RFX3: variants seen among roughly 807,000 people sequenced by gnomAD.
RFX3 encodes regulatory factor X3.
A neutral mutation model predicts 98.6 loss-of-function variants in RFX3; 14 were observed. The observed-to-expected ratio is 0.14, with a 90% confidence interval of 0.09 to 0.22. The LOEUF is 0.22. Ranked by LOEUF, RFX3 falls within the 10% of genes least tolerant of loss-of-function variation. The probability of loss-of-function intolerance (pLI) is 1.00; values close to 1 mark genes in which losing one functional copy is unlikely to be tolerated. For missense variants in RFX3, 639 were observed against 926.9 expected (o/e 0.69, Z 4.03); for synonymous variants, 383 against 328.4 (o/e 1.17, Z -1.80).
At chr9:3,400,709 A>G (rs540648546) in intron 1 of RFX3, among the ~76,000 whole-genome samples, 1 of 152,338 alleles carries the variant, frequency 6.6e-6, no homozygotes, top group African/African-American at 2.4e-5. Flanking sequence ...GATTAACTGA[A>G]AAGTTCATAA....
chr9:3,293,843 A>T (rs534231280), intron 5 of RFX3, among the ~76,000 whole-genome samples: 1 of 152,304 alleles, frequency 6.6e-6, no homozygotes, highest in African/African-American at 2.4e-5. Flanking sequence ...TTCTTCCCCA[A>T]ATGAAAATAA....
rs920066114 is a variant in RFX3 at position 3,446,601 on chromosome 9, CA to C, written c.-8-51006del. On this transcript the variant is annotated intron_variant, in intron 1 of 16. Transcript: ENST00000617270. ...ACTCCTTCTGCAGATAATGAGACTT[CA>C]AAAAAAAAAACATACATACAACTCT... Among the ~76,000 whole-genome samples, 63 of 144,222 alleles carry C rather than the reference CA, an allele frequency of 4.4e-4. 1 individual carries two copies. Among genetic ancestry groups the C allele is most frequent in the Admixed American group, 1.5e-3 (21 of 14,432 alleles). 94.6% of individuals were successfully genotyped at this position (144,222 alleles called of 152,430 possible). A position where few individuals can be genotyped will look rare whatever the true frequency, so the allele number is the denominator to read the frequency against.
chr9:3,348,318 C>T (rs1285630542), intron 2 of RFX3, among the ~76,000 whole-genome samples: 1 of 152,064 alleles, frequency 6.6e-6, no homozygotes, highest in Non-Finnish European at 1.5e-5. Context: ...TATCAGTTGA[C>T]ATATAACAAC....
Position 3,277,264 on chromosome 9 carries a change from T to C in RFX3, c.973+76A>G, listed in dbSNP as rs574346808. 1,527 of 1,482,696 alleles carry C rather than the reference T, an allele frequency of 1.0e-3. 27 individuals are homozygous for C. The South Asian group carries it at 0.017, about 16-fold the overall frequency. The allele number at this position is 1,482,696 out of a possible 1,614,324, so 91.8% of individuals were successfully genotyped here. A position where few individuals can be genotyped will look rare whatever the true frequency, so the allele number is the denominator to read the frequency against. ...CTTTCTATGTCATTGACATCTATAA[T>C]AGACATTGCACTTGGAGAAAAGACT... On this transcript the variant is annotated intron_variant, in intron 8 of 16. Transcript: ENST00000617270.
At chr9:3,520,555 T>A (rs1220208723) in intron 1 of RFX3, among the ~76,000 whole-genome samples, 4 of 152,190 alleles carry the variant, frequency 2.6e-5, no homozygotes, top group Non-Finnish European at 5.9e-5. Context: ...ATAAGATCAC[T>A]CCCAGTTTAA....
intron 5 of RFX3, among the ~76,000 whole-genome samples, chr9:3,293,765 C>A (rs977844100): frequency 6.6e-6 from 1 of 151,926 alleles, no homozygotes; most frequent in Non-Finnish European, 1.5e-5. Context: ...TCTCAAATTA[C>A]CACTAGATAA....
chr9:3,277,304 C>T (rs578139776), intron 8 of RFX3, 36 bp downstream of exon 8: 4 of 1,601,436 alleles, frequency 2.5e-6, no homozygotes, highest in East Asian at 2.2e-5. Flanking sequence ...TTTCAAAATC[C>T]TAGTAGCAAC....
chr9:3,269,989 G>T (rs533535188), intron 11 of RFX3, among the ~76,000 whole-genome samples: 2 of 151,768 alleles, frequency 1.3e-5, no homozygotes, highest in Admixed American at 1.3e-4. Flanking sequence ...TGACTGGCCT[G>T]CTAGTGTTCT....
chr9:3,295,921 A>C (rs188659601), intron 5 of RFX3, among the ~76,000 whole-genome samples: 1 of 152,096 alleles, frequency 6.6e-6, no homozygotes, highest in Admixed American at 6.6e-5. Flanking sequence ...AAATTAAAAA[A>C]ATTTTAATTA....
chr9:3,395,957 T>G (rs1162685137), intron 1 of RFX3, among the ~76,000 whole-genome samples: 1 of 152,124 alleles, frequency 6.6e-6, no homozygotes, highest in African/African-American at 2.4e-5. Context: ...AAACCCTACC[T>G]GGATGTAAGT....
intron 11 of RFX3, among the ~76,000 whole-genome samples, chr9:3,268,401 T>C (rs986831526): frequency 6.6e-5 from 10 of 151,900 alleles, no homozygotes; most frequent in Middle Eastern, 3.4e-3. Flanking sequence ...CATGAATGGA[T>C]GGTTTGGAAT....
intron 6 of RFX3, among the ~76,000 whole-genome samples, chr9:3,290,032 T>C (rs1827132425): frequency 1.3e-5 from 2 of 152,142 alleles, no homozygotes; most frequent in South Asian, 4.1e-4. Context: ...AAACAGTTTC[T>C]ATGGTAGAAA....
chr9:3,436,902 T>G (rs535386217), intron 1 of RFX3, among the ~76,000 whole-genome samples: 1 of 152,110 alleles, frequency 6.6e-6, no homozygotes, highest in East Asian at 1.9e-4. Flanking sequence ...CCTCAAAATG[T>G]CAATCAATTC....
chr9:3,517,012 C>T (rs1818251253), intron 1 of RFX3, among the ~76,000 whole-genome samples: 1 of 152,234 alleles, frequency 6.6e-6, no homozygotes, highest in Admixed American at 6.5e-5. Context: ...GGCCATTATG[C>T]TAGCACCAGG....
chr9:3,315,069 A>G (rs1246130213), intron 4 of RFX3, among the ~76,000 whole-genome samples: 4 of 151,836 alleles, frequency 2.6e-5, no homozygotes, highest in Admixed American at 2.0e-4. Context: ...AACAGAATAT[A>G]CATTCTTCTC....
rs576608263 is a variant in RFX3, at chr9:3,260,208, G to C, written c.1605+2727C>G. On this transcript the variant is annotated intron_variant, in intron 13 of 16. Transcript: ENST00000617270. ...CTCTGAAGAAAGGAAGAAGGTTTTG[G>C]AGGGCAGATGCCGAATCATATGGGT... is the stretch of plus-strand genomic sequence containing the variant. 2.0e-5 allele frequency among the ~76,000 whole-genome samples: 3 copies of C among 152,144 alleles called. No homozygotes were observed. The East Asian group carries it at 5.8e-4, about 29-fold the overall frequency.
chr9:3,505,759 C>T (rs1190701360), intron 1 of RFX3, among the ~76,000 whole-genome samples: 1 of 150,450 alleles, frequency 6.6e-6, no homozygotes, highest in East Asian at 2.0e-4. Context: ...CCACCCCCAT[C>T]ATTTACATAT....
At chr9:3,330,110 T>C (rs1310644133) in intron 4 of RFX3, 149 bp downstream of exon 4, 7 of 760,712 alleles carry the variant, frequency 9.2e-6, no homozygotes, top group East Asian at 2.7e-5. Flanking sequence ...ATACTACATA[T>C]ACTACATTCT....
intron 1 of RFX3, among the ~76,000 whole-genome samples, chr9:3,467,059 CAT>C (rs1206381897): frequency 7.3e-6 from 1 of 137,620 alleles, no homozygotes; most frequent in African/African-American, 2.7e-5. Context: ...TATATACATA[CAT>C]ATATATAAGT....
Sources: gnomAD v4.1 joint callset for allele counts (sites outside exome capture counted in the v4.1 genomes callset) on GRCh38, gnomAD v4.1.1 for gene constraint, MANE v1.5 for transcripts, NCBI Gene and HGNC (gene_info 2026-07-23, HGNC 2026-07-21) for gene names.